SECISBP2: variants seen among roughly 807,000 people sequenced by gnomAD.
The protein encoded by SECISBP2 is selenocysteine insertion sequence-binding protein 2.
SECISBP2 carries 96 observed loss-of-function variants against 98.2 expected under a neutral mutation model. The ratio of observed to expected loss-of-function variants is 0.98; its 90% confidence interval spans 0.83 to 1.16. SECISBP2 has a LOEUF of 1.16. Ranked by LOEUF, SECISBP2 falls within the 50% of genes most tolerant of loss-of-function variation. The pLI is 0.00. For missense variants in SECISBP2, 1,046 were observed against 1,022.9 expected, an observed-to-expected ratio of 1.02 and a Z score of -0.31; for synonymous variants, 407 against 370.2, an observed-to-expected ratio of 1.10 and a Z score of -1.14.
intron 13 of SECISBP2, 99 bp downstream of exon 13, chr9:89,350,028 A>G (rs1011360579): frequency 2.1e-6 from 3 of 1,429,998 alleles, no homozygotes; most frequent in Non-Finnish European, 1.9e-6. Context: ...GCTGGGCCAC[A>G]CTGTGCTTTA....
intron 2 of SECISBP2, among the ~76,000 whole-genome samples, chr9:89,320,075 G>T (rs192603935): frequency 6.6e-6 from 1 of 152,132 alleles, no homozygotes; most frequent in Non-Finnish European, 1.5e-5. Context: ...TGCAGTTTCA[G>T]GCCAGGCGCT....
chr9:89,342,611 C>T (rs1185101894), intron 10 of SECISBP2, among the ~76,000 whole-genome samples: 2 of 152,212 alleles, frequency 1.3e-5, no homozygotes, highest in African/African-American at 4.8e-5. Context: ...AATTCTTATA[C>T]ATGATACAAC....
At chr9:89,326,537 A>G (rs552518621) in intron 4 of SECISBP2, among the ~76,000 whole-genome samples, 1 of 152,350 alleles carries the variant, frequency 6.6e-6, no homozygotes, top group Admixed American at 6.5e-5. Flanking sequence ...AATTCATTAG[A>G]GTCCCTTTAA....
rs964170557 is a variant in SECISBP2 at position 89,319,797 on chromosome 9, A to G, written c.182A>G (p.Glu61Gly). ...TTTGTTCAGGAACCACCAGTGACAG[A>G]GTATGTATCTTTCTAAAAGTCTTAC... The part of the protein sequence containing the change: ...YPFVQEPPVT[E>G]QKIYTEDMAF... The change falls in exon 2 of 17, where the codon GAG (glutamate) becomes GGG (glycine). Residue 61 changes from glutamate (E) to glycine (G), a missense_variant and splice_region_variant. Transcript: ENST00000375807. 2 of 1,613,994 alleles carry G rather than the reference A, an allele frequency of 1.2e-6. No individual in the cohort carries two copies. The highest frequency in any genetic ancestry group is 2.7e-5 in the African/African-American group (2 of 75,058).
Position 89,334,567 on chromosome 9 carries a change from C to T in SECISBP2, c.926C>T (p.Ser309Phe). The change falls in exon 7 of 17, where the codon TCT becomes TTT. Residue 309 changes from serine to phenylalanine, a missense_variant. Coordinates refer to ENST00000375807, the MANE Select transcript of SECISBP2 (RefSeq NM_024077.5). ...PMGYVVRQTL[S>F]TELSAAPKNV... The stretch of plus-strand genomic sequence containing the variant: ...GGTTATGTTGTTCGACAGACATTAT[C>T]TACAGAACTGTCAGCAGCCCCTAAA... The T allele has an allele frequency of 6.2e-7, 1 of 1,614,188 alleles. No individual in the cohort carries two copies. The highest frequency in any genetic ancestry group is 2.2e-5 in the East Asian group (1 of 44,862).
At position 89,340,045 on chromosome 9, in the gene SECISBP2, G is replaced by T. The variant is rs552843440; in HGVS notation, c.1302+92G>T. On this transcript the variant is annotated intron_variant, in intron 9 of 16. Coordinates refer to ENST00000375807, the MANE Select transcript of SECISBP2 (RefSeq NM_024077.5). ...GAAAAACTGCTTTCCAGACATTTCT[G>T]TATGGTGACAGGTGGTTTTGTTTTG... The T allele has an allele frequency of 2.1e-4, 185 of 878,154 alleles. 2 individuals are homozygous for T. In the South Asian group the frequency reaches 2.5e-3, roughly 12 times the overall value. The allele number at this position is 878,154 out of a possible 1,614,324, so 54.4% of individuals were successfully genotyped here. A position where few individuals can be genotyped will look rare whatever the true frequency, so the allele number is the denominator to read the frequency against.
At chr9:89,361,248 G>C (rs1490939630), downstream of SECISBP2, 1 of 152,202 alleles carries the variant, frequency 6.6e-6, no homozygotes, top group Admixed American at 6.5e-5. Context: ...TGTTGTGATG[G>C]ATCCTGAAGG....
Position 89,318,597 on chromosome 9 carries a change from G to A in SECISBP2, c.21G>A (p.Arg7=). 3 of 1,464,498 alleles carry A rather than the reference G, an allele frequency of 2.0e-6. No homozygotes were observed. Among genetic ancestry groups the A allele is most frequent in the Non-Finnish European group, 2.7e-6 (3 of 1,117,612 alleles). The allele number at this position is 1,464,498 out of a possible 1,614,324, so 90.7% of individuals were successfully genotyped here. ...GCGGCATGGCGTCGGAGGGGCCGCGGGAGCCCGAAAGCGAGGTAAGGGCCG... is the reference window on the plus strand; with the variant it reads ...GCGGCATGGCGTCGGAGGGGCCGCGAGAGCCCGAAAGCGAGGTAAGGGCCG... MASEGP[R]EPESEGIKLS... is the part of the protein sequence containing the mutation. The change falls in exon 1 of 17, where the codon CGG becomes CGA. Residue 7 remains arginine (R), a synonymous_variant. Coordinates refer to ENST00000375807, the MANE Select transcript of SECISBP2 (RefSeq NM_024077.5).
intron 10 of SECISBP2, among the ~76,000 whole-genome samples, chr9:89,346,396 A>C (rs1830423645): frequency 6.6e-6 from 1 of 152,228 alleles, no homozygotes; most frequent in Admixed American, 6.5e-5. Context: ...TATTACTAGA[A>C]TCTTATAGTG....
chr9:89,337,317 G>T (rs1471374813), intron 7 of SECISBP2, among the ~76,000 whole-genome samples: 1 of 152,206 alleles, frequency 6.6e-6, no homozygotes, highest in African/African-American at 2.4e-5. Context: ...TAGCTGGAGT[G>T]ATAGTGATCA....
At position 89,347,163 on chromosome 9, in the gene SECISBP2, G is replaced by A. The variant is rs973557550; in HGVS notation, c.1602+115G>A. The A allele has an allele frequency of 2.8e-6, 3 of 1,083,510 alleles. No individual in the cohort carries two copies. In the Admixed American group the frequency reaches 6.0e-5, roughly 22 times the overall value. The allele number at this position is 1,083,510 out of a possible 1,614,324, so 67.1% of individuals were successfully genotyped here. On this transcript the variant is annotated intron_variant, in intron 11 of 16. Coordinates refer to ENST00000375807, the MANE Select transcript of SECISBP2 (RefSeq NM_024077.5). ...TTTACGACTTGTATTACTTGAATAT[G>A]TTGTAGTAAAACGTGTTAATGATAC...
At chr9:89,319,850 G>A in intron 2 of SECISBP2, 53 bp downstream of exon 2, 1 of 1,579,796 alleles carries the variant, frequency 6.3e-7, no homozygotes. Flanking sequence ...GGATTTAATG[G>A]TGATTAGACT....
At chr9:89,330,060 G>A (rs1163475684) in intron 5 of SECISBP2, 1 of 152,170 alleles carries the variant, frequency 6.6e-6, no homozygotes, top group Non-Finnish European at 1.5e-5. Flanking sequence ...GATGAAAAAA[G>A]GAATTGGTTT....
chr9:89,319,913 C>A, intron 2 of SECISBP2, 116 bp downstream of exon 2: 1 of 1,110,082 alleles, frequency 9.0e-7, no homozygotes, highest in Non-Finnish European at 1.4e-6. Flanking sequence ...TGAGAGAATG[C>A]TCTTCAACCA....
chr9:89,325,938 G>GT lies in SECISBP2; in HGVS notation c.477dup (p.Asp160Ter). Reference sequence around the variant, plus strand: ...AGAAAAAAACGTATGATCAGCAAAAGTTTGACAGTGAAAGGGCTGATGGAA... The same window carrying GT: ...AGAAAAAAACGTATGATCAGCAAAAGTTTTGACAGTGAAAGGGCTGATGGAA... On this transcript the variant is annotated frameshift_variant, in exon 4 of 17. Coordinates refer to ENST00000375807, the MANE Select transcript of SECISBP2 (RefSeq NM_024077.5). LOFTEE classifies it high-confidence loss of function. 6.2e-7 allele frequency: 1 copy of GT among 1,614,024 alleles called. No individual in the cohort carries two copies. The highest frequency in any genetic ancestry group is 8.5e-7 in the Non-Finnish European group (1 of 1,179,984).
chr9:89,320,277 A>G (rs998821807), intron 2 of SECISBP2, among the ~76,000 whole-genome samples: 10 of 148,576 alleles, frequency 6.7e-5, no homozygotes, highest in Admixed American at 6.3e-4. Flanking sequence ...AATCCTTTGA[A>G]CCTGGGAGGC....
chr9:89,362,468 G>A, downstream of SECISBP2: 1 of 1,613,986 alleles, frequency 6.2e-7, no homozygotes, highest in Non-Finnish European at 8.5e-7. Flanking sequence ...TGGTGGAACG[G>A]ATGGGCCTTT....
intron 14 of SECISBP2, among the ~76,000 whole-genome samples, chr9:89,351,270 T>TG (rs1322247635): frequency 1.3e-5 from 2 of 152,262 alleles, no homozygotes; most frequent in Non-Finnish European, 2.9e-5. Context: ...CTCATCTGTT[T>TG]GCTTGTTACA....
chr9:89,336,081 C>CT (rs59799418), intron 7 of SECISBP2, among the ~76,000 whole-genome samples: 843 of 33,026 alleles, frequency 0.026, 212 homozygotes, highest in African/African-American at 0.031. Flanking sequence ...ATTTTAAGTG[C>CT]TTTTTTTTTT....
Sources: gnomAD v4.1 joint callset for allele counts (sites outside exome capture counted in the v4.1 genomes callset) on GRCh38, gnomAD v4.1.1 for gene constraint, MANE v1.5 for transcripts, NCBI Gene and HGNC (gene_info 2026-07-23, HGNC 2026-07-21) for gene names.